Variants in EDRF1 observed in about 807,000 individuals in gnomAD.
The protein encoded by EDRF1 is erythroid differentiation-related factor 1.
A neutral mutation model predicts 148.7 loss-of-function variants in EDRF1; 69 were observed. The observed-to-expected ratio is 0.46, with a 90% CI of 0.38 to 0.57. The LOEUF (loss-of-function observed/expected upper bound fraction) is 0.57. Ranked by LOEUF, EDRF1 falls within the 20% of genes least tolerant of loss-of-function variation. The pLI is 0.00. For missense variants in EDRF1, 1,118 were observed against 1,478.7 expected, an observed-to-expected ratio of 0.76 and a Z score of 4.00; for synonymous variants, 515 against 532.8, an observed-to-expected ratio of 0.97 and a Z score of 0.46.
chr10:125,731,753 G>A, intron 9 of EDRF1: 1 of 323,582 alleles, frequency 3.1e-6, no homozygotes, highest in South Asian at 2.3e-5. Flanking sequence ...CCACTAGAGA[G>A]GAACTATTAA....
intron 19 of EDRF1, chr10:125,747,160 T>C (rs1849398878): frequency 5.0e-6 from 1 of 201,730 alleles, no homozygotes; most frequent in Admixed American, 5.4e-5. Context: ...ATACTTCTTT[T>C]TACGTAAAAT....
At chr10:125,748,363 A>G (rs1849473943) in intron 21 of EDRF1, 3 of 335,850 alleles carry the variant, frequency 8.9e-6, no homozygotes, top group Non-Finnish European at 1.7e-5. Flanking sequence ...TATCTAGTCT[A>G]TGATTAGTGA....
chr10:125,731,339 A>G (rs929384523), intron 9 of EDRF1, among the ~76,000 whole-genome samples: 5 of 152,244 alleles, frequency 3.3e-5, no homozygotes, highest in African/African-American at 1.2e-4. Flanking sequence ...GAGCACTTCC[A>G]TTCAGGTCTG....
intron 1 of EDRF1, 107 bp from the exon 2 acceptor site, chr10:125,721,097 C>A: frequency 1.9e-6 from 2 of 1,053,660 alleles, no homozygotes; most frequent in Non-Finnish European, 3.0e-6. Context: ...ATGTGGCATA[C>A]GTTCCTTGTG....
chr10:125,738,206 C>T (rs983797485), intron 14 of EDRF1, 89 bp from the exon 15 acceptor site: 20 of 1,522,998 alleles, frequency 1.3e-5, no homozygotes, highest in Middle Eastern at 1.9e-4. Context: ...TTTTCCTAAA[C>T]GTATTCAGTA....
chr10:125,742,591 G>A, intron 17 of EDRF1: 1 of 985,248 alleles, frequency 1.0e-6, no homozygotes, highest in Non-Finnish European at 1.2e-6. Context: ...TCCCATCATA[G>A]CAATTTCAGT....
chr10:125,745,948 A>G lies in EDRF1; in HGVS notation c.2814+18A>G. 1.2e-6 allele frequency: 2 copies of G among 1,610,804 alleles called. No homozygotes were observed. The highest frequency in any genetic ancestry group is 2.2e-5 in the East Asian group (1 of 44,874). On this transcript the variant is annotated intron_variant, in intron 19 of 24. Transcript: ENST00000356792. Reference sequence around the variant, plus strand: ...ATAATAAGGTAACACATTCGCGTACATGTTGGGCCTCACCCATTCACACCT... The same window carrying G: ...ATAATAAGGTAACACATTCGCGTACGTGTTGGGCCTCACCCATTCACACCT...
intron 24 of EDRF1, among the ~76,000 whole-genome samples, chr10:125,754,215 CAAA>C (rs60189890): frequency 6.4e-5 from 6 of 93,378 alleles, no homozygotes; most frequent in Admixed American, 1.2e-4. Flanking sequence ...GACACCATCT[CAAA>C]AAAAAAAAAA....
In EDRF1 at chr10:125,747,567, C is replaced by T; in HGVS notation, c.2846C>T (p.Ser949Leu). The T allele has an allele frequency of 1.2e-6, 2 of 1,614,176 alleles. No individual in the cohort carries two copies. The highest frequency in any genetic ancestry group is 1.7e-6 in the Non-Finnish European group (2 of 1,180,032). Residue 949 changes from serine to leucine, a missense_variant, in exon 20 of 25, where the codon TCA becomes TTA. Ser to Leu is a moderately radical substitution (Grantham distance 145). Coordinates refer to ENST00000356792, the MANE Select transcript of EDRF1 (RefSeq NM_001202438.2). ...AIDYYLKALR[S>L]LGTRDIHPAV... is the part of the protein sequence containing the mutation. ...GATTACTATTTGAAAGCGCTAAGGT[C>T]ATTGGGAACACGAGACATACACCCA...
intron 13 of EDRF1, among the ~76,000 whole-genome samples, chr10:125,736,519 T>C (rs1227089405): frequency 6.6e-6 from 1 of 152,136 alleles, no homozygotes; most frequent in African/African-American, 2.4e-5. Flanking sequence ...CCTTAAGAGT[T>C]CTGGCTGTTC....
chr10:125,729,252 C>T, intron 7 of EDRF1, 106 bp from the exon 8 acceptor site: 1 of 1,501,008 alleles, frequency 6.7e-7, no homozygotes, highest in Non-Finnish European at 9.1e-7. Flanking sequence ...GCTCTGGGGC[C>T]TGACTTTGTC....
intron 24 of EDRF1, chr10:125,757,118 G>T (rs1233695128): frequency 2.0e-5 from 7 of 357,422 alleles, no homozygotes; most frequent in Non-Finnish European, 3.7e-5. Context: ...TGGCCCAAGG[G>T]TCTTGCTTTT....
chr10:125,752,357 C>G (rs945544659), intron 22 of EDRF1, among the ~76,000 whole-genome samples: 1 of 152,224 alleles, frequency 6.6e-6, no homozygotes, highest in Non-Finnish European at 1.5e-5. Flanking sequence ...TTAGAAGGCT[C>G]TAGAATAAAA....
At chr10:125,749,612 G>A (rs1456470410) in intron 22 of EDRF1, 47 bp downstream of exon 22, 13 of 1,603,852 alleles carry the variant, frequency 8.1e-6, no homozygotes, top group Non-Finnish European at 1.1e-5. Context: ...TTGGCTTAGT[G>A]CTGGATTGTC....
chr10:125,723,383 T>C (rs571954818), intron 3 of EDRF1, among the ~76,000 whole-genome samples: 7 of 152,228 alleles, frequency 4.6e-5, no homozygotes, highest in Non-Finnish European at 1.0e-4. Flanking sequence ...TTGATGGTTA[T>C]ATTTTAATGA....
At chr10:125,748,666 A>C (rs1849494464) in intron 21 of EDRF1, 1 of 156,228 alleles carries the variant, frequency 6.4e-6, no homozygotes. Context: ...CTTTATTCTG[A>C]AAAGTATCTT....
chr10:125,722,122 G>T (rs1267887862), intron 2 of EDRF1, among the ~76,000 whole-genome samples: 1 of 152,148 alleles, frequency 6.6e-6, no homozygotes, highest in African/African-American at 2.4e-5. Context: ...TTGCAAAAAT[G>T]CTGTTTGTTT....
At chr10:125,730,430 CA>C in intron 9 of EDRF1, 31 bp downstream of exon 9, 1 of 1,549,694 alleles carries the variant, frequency 6.5e-7, no homozygotes, top group Non-Finnish European at 8.9e-7. Context: ...TCTGATCTCT[CA>C]AATGCAAATT....
chr10:125,731,939 GGTCAACTTA>G (rs970319215), intron 9 of EDRF1: 1 of 446,282 alleles, frequency 2.2e-6, no homozygotes, highest in African/African-American at 2.0e-5. Context: ...AGTTGCCCAG[GGTCAACTTA>G]GTAGTGAGTG....
Sources: gnomAD v4.1 joint callset for allele counts (sites outside exome capture counted in the v4.1 genomes callset) on GRCh38, gnomAD v4.1.1 for gene constraint, MANE v1.5 for transcripts, NCBI Gene and HGNC (gene_info 2026-07-23, HGNC 2026-07-21) for gene names.